FLNB: variants seen among roughly 807,000 people sequenced by gnomAD.
FLNB encodes filamin-B.
FLNB carries 111 observed loss-of-function variants against 250.6 expected under a neutral mutation model. The ratio of observed to expected loss-of-function variants is 0.44; its 90% CI spans 0.38 to 0.52. The LOEUF is 0.52. FLNB is among the 20% of genes least tolerant of loss of function. The probability of loss-of-function intolerance (pLI) is 0.00; values close to 1 mark genes in which losing one functional copy is unlikely to be tolerated. For missense variants in FLNB, 2,869 were observed against 3,447.8 expected, an observed-to-expected ratio of 0.83 and a Z score of 4.20; for synonymous variants, 1,302 against 1,372.1, an observed-to-expected ratio of 0.95 and a Z score of 1.13.
At chr3:58,082,003 T>C (rs2097209815) in intron 4 of FLNB, among the ~76,000 whole-genome samples, 1 of 152,150 alleles carries the variant, frequency 6.6e-6, no homozygotes, top group East Asian at 1.9e-4. Flanking sequence ...GTTTGCTGCT[T>C]GGTGATTTTA....
At position 58,077,093 on chromosome 3, in the gene FLNB, G is replaced by C. The variant is rs776716609; in HGVS notation, c.340G>C (p.Val114Leu). 1.2e-6 allele frequency: 2 copies of C among 1,614,138 alleles called. No homozygotes were observed. The highest frequency in any genetic ancestry group is 3.3e-5 in the Admixed American group (2 of 60,026). The change falls in exon 2 of 46, where the codon GTG (valine) becomes CTG (leucine). Residue 114 changes from valine to leucine, a missense_variant. Val to Leu is a conservative substitution (Grantham distance 32, BLOSUM62 1). This residue lies in a region of FLNB where 308 missense variants were observed against 466.1 expected (regional missense o/e 0.66). Transcript: ENST00000295956. ...GAACCTGAAGCTCATCTTGGGTCTG[G>C]TGTGGACGCTGATCCTCCACTACTC... ...DGNLKLILGL[V>L]WTLILHYSIS... is the part of the protein sequence containing the mutation.
In FLNB at chr3:58,169,601, G is replaced by T; in HGVS notation, c.7429G>T (p.Val2477Phe). 1.2e-6 allele frequency: 2 copies of T among 1,613,924 alleles called. No individual in the cohort carries two copies. The highest frequency in any genetic ancestry group is 1.7e-6 in the Non-Finnish European group (2 of 1,179,802). The change falls in exon 45 of 46, where the codon GTT becomes TTT. Residue 2477 changes from valine (V) to phenylalanine (F), a missense_variant. This residue lies in a region of FLNB where 1,084 missense variants were observed against 1,315.5 expected (regional missense o/e 0.82). Transcript: ENST00000295956. This position sits in a 1 kb window ranked among gnomAD's most constrained non-coding sequence, Gnocchi z 4.8. ...CTCCTGTATCTTAGGCCAGCGTCTA[G>T]TTAGCCCTGGCTCAGCCAACGAGAC... ...FKAKVTGQRLVSPGSANETSS... is the reference protein window; with the variant it reads ...FKAKVTGQRLFSPGSANETSS...
At chr3:58,012,572 C>A (rs903149213) in intron 1 of FLNB, among the ~76,000 whole-genome samples, 1 of 152,200 alleles carries the variant, frequency 6.6e-6, no homozygotes, top group Non-Finnish European at 1.5e-5. Flanking sequence ...TGGATACCCA[C>A]ACTCTGAACC....
Position 58,163,264 on chromosome 3 carries a change from C to G in FLNB, c.7132C>G (p.Pro2378Ala). The change falls in exon 43 of 46, where the codon CCT (proline) becomes GCT (alanine). Residue 2378 changes from proline (P) to alanine (A), a missense_variant. By Grantham distance (27) the Pro-to-Ala change is conservative (BLOSUM62 -1). This residue lies in a region of FLNB where 1,084 missense variants were observed against 1,315.5 expected (regional missense o/e 0.82). Transcript: ENST00000295956. ...CCCCTTCAAAGTGCGCGTTGGGGAGCCTGGACAAGCGGGGAACCCTGCCCT... is the reference window on the plus strand; with the variant it reads ...CCCCTTCAAAGTGCGCGTTGGGGAGGCTGGACAAGCGGGGAACCCTGCCCT... Reference protein sequence around the residue: ...GSPFKVRVGEPGQAGNPALVS... With the variant: ...GSPFKVRVGEAGQAGNPALVS... 1 of 1,614,228 alleles carries G rather than the reference C, an allele frequency of 6.2e-7. No homozygotes were observed. The highest frequency in any genetic ancestry group is 8.5e-7 in the Non-Finnish European group (1 of 1,180,040).
At chr3:58,148,585 T>A in intron 35 of FLNB, 64 bp from the exon 36 acceptor site, 1 of 1,394,294 alleles carries the variant, frequency 7.2e-7, no homozygotes, top group Non-Finnish European at 1.0e-6. Context: ...TTTCTGAGAG[T>A]GTGTCTCTCT....
intron 38 of FLNB, 22 bp downstream of exon 38, chr3:58,150,249 G>C (rs1409307539): frequency 1.2e-6 from 2 of 1,613,938 alleles, no homozygotes; most frequent in Admixed American, 3.3e-5. Context: ...GGACTAGTAG[G>C]GTGGGGAAGC....
chr3:58,033,229 C>T (rs839237), intron 1 of FLNB, among the ~76,000 whole-genome samples: 116,019 of 152,160 alleles, frequency 0.76, 45,541 homozygotes, highest in East Asian at 0.95. Context: ...AGCGAACCTC[C>T]CTATCCAGCC....
chr3:58,134,078 G>A (rs1254151270), intron 26 of FLNB, among the ~76,000 whole-genome samples: 2 of 152,194 alleles, frequency 1.3e-5, no homozygotes, highest in Non-Finnish European at 2.9e-5. Flanking sequence ...CCTTGGAACA[G>A]AGGTCCCCAA....
chr3:58,097,806 C>A lies in FLNB; in HGVS notation c.985-9C>A. The A allele has an allele frequency of 6.2e-7, 1 of 1,612,612 alleles. No individual in the cohort carries two copies. The highest frequency in any genetic ancestry group is 8.5e-7 in the Non-Finnish European group (1 of 1,178,826). ...GATTATGTATTTCTCACCTATCTGT[C>A]ACCTATAGGTCACAGTCCTCTTTGC... is the stretch of plus-strand genomic sequence containing the variant. On this transcript the variant is annotated splice_polypyrimidine_tract_variant and intron_variant, in intron 6 of 45. Transcript: ENST00000295956.
chr3:58,159,741 T>A, intron 42 of FLNB, 55 bp downstream of exon 42: 1 of 1,594,502 alleles, frequency 6.3e-7, no homozygotes, highest in Non-Finnish European at 8.5e-7. Context: ...AGCAGAATGT[T>A]CCTGTAAATG....
In FLNB at chr3:58,108,427, GAAA is replaced by G. The variant is rs2097263259; in HGVS notation, c.1942-30_1942-28del. On this transcript the variant is annotated intron_variant, in intron 12 of 45. Coordinates refer to ENST00000295956, the MANE Select transcript of FLNB (RefSeq NM_001457.4). ...AAGGGTTTAGTTGGGGCATTACACA[GAAA>G]GAGACTTACTATCTGCCTTTGCTTC... The G allele has an allele frequency of 8.4e-6, 12 of 1,433,532 alleles. No homozygotes were observed. The East Asian group carries it at 2.7e-4, about 33-fold the overall frequency. 88.8% of individuals were successfully genotyped at this position (1,433,532 alleles called of 1,614,324 possible).
intron 18 of FLNB, among the ~76,000 whole-genome samples, chr3:58,113,707 C>G (rs572423029): frequency 3.3e-5 from 5 of 152,336 alleles, no homozygotes; most frequent in African/African-American, 1.2e-4. Flanking sequence ...AGACAAAAGT[C>G]TTGCTCTGTT....
intron 4 of FLNB, among the ~76,000 whole-genome samples, chr3:58,087,026 G>C (rs1014256423): frequency 5.9e-5 from 9 of 152,130 alleles, no homozygotes; most frequent in Admixed American, 1.3e-4. Flanking sequence ...CAGGAAAATC[G>C]CTTGAACCTG....
Position 58,142,557 on chromosome 3 carries a change from G to A in FLNB, c.5182-93G>A, listed in dbSNP as rs1209261204. ...GCATTCCCAAATCCCGGCCTCACTGGCTTGTAGAATTCCCAGCAGCTCTAA... is the reference window on the plus strand; with the variant it reads ...GCATTCCCAAATCCCGGCCTCACTGACTTGTAGAATTCCCAGCAGCTCTAA... On this transcript the variant is annotated intron_variant, in intron 30 of 45. Coordinates refer to ENST00000295956, the MANE Select transcript of FLNB (RefSeq NM_001457.4). This position sits in a 1 kb window ranked among gnomAD's most constrained non-coding sequence, Gnocchi z 4.3. 3.6e-6 allele frequency: 4 copies of A among 1,104,160 alleles called. No homozygotes were observed. Among genetic ancestry groups the A allele is most frequent in the Non-Finnish European group, 5.5e-6 (4 of 732,872 alleles). The allele number at this position is 1,104,160 out of a possible 1,614,324, so 68.4% of individuals were successfully genotyped here.
chr3:58,152,515 C>G (rs956923568), intron 38 of FLNB, among the ~76,000 whole-genome samples: 1 of 152,152 alleles, frequency 6.6e-6, no homozygotes, highest in Admixed American at 6.5e-5. Flanking sequence ...TCTTACAAGG[C>G]CACTGACCCC....
intron 1 of FLNB, among the ~76,000 whole-genome samples, chr3:58,017,815 CAAAATTTTCTTGTACTATAAGCA>C (rs2097107879): frequency 6.6e-6 from 1 of 152,120 alleles, no homozygotes; most frequent in Non-Finnish European, 1.5e-5. Context: ...TGCCCTTGGC[CAAAATTTTCTTGTACTATAAGCA>C]AAGAAGCAGT....
intron 32 of FLNB, among the ~76,000 whole-genome samples, chr3:58,143,910 A>C (rs2097331464): frequency 6.6e-6 from 1 of 152,146 alleles, no homozygotes; most frequent in Non-Finnish European, 1.5e-5. Flanking sequence ...AATGGGAGGC[A>C]TGGTGAGGGA....
intron 18 of FLNB, among the ~76,000 whole-genome samples, chr3:58,113,440 C>T (rs1054357265): frequency 7.2e-5 from 11 of 152,248 alleles, no homozygotes; most frequent in East Asian, 1.9e-4. Context: ...GTCCTCTCAG[C>T]GAGGAGCAGT....
At position 58,112,171 on chromosome 3, in the gene FLNB, C is replaced by T. The variant is rs1407374338; in HGVS notation, c.2598C>T (p.Thr866=). The change falls in exon 18 of 46, where the codon ACC becomes ACT. Residue 866 remains threonine (T), a synonymous_variant. Coordinates refer to ENST00000295956, the MANE Select transcript of FLNB (RefSeq NM_001457.4). ...SKAGVENGKP[T]HFTVYTKGAG... ...CAGGTGTGGAAAATGGGAAACCGAC[C>T]CACTTCACTGTCTACACCAAGGGGG... 1 of 1,614,118 alleles carries T rather than the reference C, an allele frequency of 6.2e-7. No homozygotes were observed. The highest frequency in any genetic ancestry group is 8.5e-7 in the Non-Finnish European group (1 of 1,179,998).
Sources: allele counts gnomAD v4.1 joint callset (sites outside exome capture counted in the v4.1 genomes callset), GRCh38; gene constraint gnomAD v4.1.1; regional missense constraint gnomAD v4.1.1; non-coding constraint Gnocchi (gnomAD v3.1); transcripts MANE v1.5; gene names NCBI Gene and HGNC (gene_info 2026-07-23, HGNC 2026-07-21).